OVCH1: variants seen among roughly 807,000 people sequenced by gnomAD.
OVCH1 encodes ovochymase 1.
OVCH1 carries 139 observed loss-of-function variants against 138.4 expected under a neutral mutation model. The ratio of observed to expected loss-of-function variants is 1.00; its 90% confidence interval spans 0.87 to 1.16. The LOEUF (loss-of-function observed/expected upper bound fraction) is 1.16, where lower values mean the gene tolerates loss of function less well. OVCH1 is among the 50% of genes most tolerant of loss of function. OVCH1 has a pLI of 0.00. For synonymous variants in OVCH1, 453 were observed against 467.8 expected, an observed-to-expected ratio of 0.97 and a Z score of 0.41; for missense variants, 1,367 against 1,357.9, an observed-to-expected ratio of 1.01 and a Z score of -0.11.
At chr12:29,464,320 C>A (rs766267567) in intron 18 of OVCH1, 187 bp downstream of exon 18, 1 of 692,548 alleles carries the variant, frequency 1.4e-6, no homozygotes, top group Admixed American at 2.4e-5. Context: ...TCTAAGTTAC[C>A]CTGAAGGAAA....
intron 3 of OVCH1, among the ~76,000 whole-genome samples, chr12:29,415,048 G>GTGTC (rs1170868848): frequency 6.6e-6 from 1 of 152,008 alleles, no homozygotes; most frequent in Non-Finnish European, 1.5e-5. Context: ...CAGGTGGGAA[G>GTGTC]TGTCTTGTCT....
At chr12:29,426,759 A>C (rs1941185673), downstream of OVCH1, among the ~76,000 whole-genome samples, 1 of 152,154 alleles carries the variant, frequency 6.6e-6, no homozygotes, top group South Asian at 2.1e-4. Context: ...CATTATTGTT[A>C]TCCTCCTCTA....
intron 25 of OVCH1, among the ~76,000 whole-genome samples, chr12:29,442,647 A>T (rs956550163): frequency 6.6e-6 from 1 of 150,984 alleles, no homozygotes; most frequent in African/African-American, 2.4e-5. Context: ...AAAAATAAAA[A>T]AAAGAAATTT....
chr12:29,485,119 C>T (rs16934324), intron 8 of OVCH1, among the ~76,000 whole-genome samples: 3 of 151,878 alleles, frequency 2.0e-5, no homozygotes, highest in Non-Finnish European at 4.4e-5. Flanking sequence ...AAGATGCTAA[C>T]GTACAATTTG....
intron 12 of OVCH1, 79 bp from the exon 13 acceptor site, chr12:29,476,378 T>G: frequency 8.5e-7 from 1 of 1,176,894 alleles, no homozygotes; most frequent in South Asian, 1.2e-5. Context: ...TCTGTGTATT[T>G]AAAGGCTCTT....
the OVCH1 span, among the ~76,000 whole-genome samples, chr12:29,407,392 A>C: frequency 0.28 from 36,649 of 132,072 alleles, 6,080 homozygotes; most frequent in Middle Eastern, 0.49. Context: ...ATGCCTATGT[A>C]CTGAATGGTA....
chr12:29,486,322 T>G, exon 8 of OVCH1: 1 of 1,613,738 alleles, frequency 6.2e-7, no homozygotes. Flanking sequence ...GAGCCCACTT[T>G]TGAGAGGGGT....
intron 6 of OVCH1, among the ~76,000 whole-genome samples, chr12:29,488,743 G>A (rs1565612314): frequency 6.6e-6 from 1 of 151,514 alleles, no homozygotes; most frequent in Non-Finnish European, 1.5e-5. Flanking sequence ...GCTGCTTTAA[G>A]ACTATGTTTC....
the OVCH1 span, among the ~76,000 whole-genome samples, chr12:29,404,036 A>G: frequency 6.6e-6 from 1 of 152,228 alleles, no homozygotes; most frequent in Non-Finnish European, 1.5e-5. Context: ...CACCAACACC[A>G]ACCTCTGCAA....
chr12:29,461,377 C>T (rs928568213), intron 19 of OVCH1, among the ~76,000 whole-genome samples: 4 of 152,112 alleles, frequency 2.6e-5, no homozygotes, highest in Non-Finnish European at 4.4e-5. Flanking sequence ...ATGATCTTGC[C>T]AATATCAAGC....
chr12:29,441,138 T>C (rs10743666), intron 25 of OVCH1, among the ~76,000 whole-genome samples: 73,455 of 151,900 alleles, frequency 0.48, 18,629 homozygotes, highest in African/African-American at 0.63. Context: ...AAAATCCTTG[T>C]GGGTTGACAA....
chr12:29,472,047 G>T, intron 15 of OVCH1, 65 bp from the exon 16 acceptor site: 1 of 1,440,346 alleles, frequency 6.9e-7, no homozygotes, highest in Non-Finnish European at 9.3e-7. Context: ...TCCTCCAATA[G>T]CTTGCCATAG....
downstream of OVCH1, among the ~76,000 whole-genome samples, chr12:29,409,966 G>T (rs1413736952): frequency 1.3e-5 from 2 of 152,086 alleles, no homozygotes; most frequent in African/African-American, 4.8e-5. Flanking sequence ...GGTCACTCAG[G>T]ACTTGCTTTA....
At chr12:29,452,339 T>A (rs1941819887) in intron 21 of OVCH1, among the ~76,000 whole-genome samples, 1 of 152,104 alleles carries the variant, frequency 6.6e-6, no homozygotes, top group Non-Finnish European at 1.5e-5. Context: ...ACAGTAGAGG[T>A]GAAAAGTAGA....
At chr12:29,489,979 G>C (rs923127117) in intron 5 of OVCH1, among the ~76,000 whole-genome samples, 1 of 152,142 alleles carries the variant, frequency 6.6e-6, no homozygotes, top group Non-Finnish European at 1.5e-5. Context: ...AGGTAACATA[G>C]GCAATTGTAC....
rs749374500 is a variant in OVCH1, at chr12:29,491,059, A to AGCTG, written c.550+34_550+37dup. 12 of 1,517,192 alleles carry AGCTG rather than the reference A, an allele frequency of 7.9e-6. No homozygotes were observed. In the East Asian group the frequency reaches 2.7e-4, roughly 34 times the overall value. 94.0% of individuals were successfully genotyped at this position (1,517,192 alleles called of 1,614,324 possible). A position where few individuals can be genotyped will look rare whatever the true frequency, so the allele number is the denominator to read the frequency against. The stretch of plus-strand genomic sequence containing the variant: ...TTCTGCTTCCCCTGGACATACAGAG[A>AGCTG]GCTGGAAGAAGTATTAAGTCATTTT... On this transcript the variant is annotated intron_variant, in intron 5 of 27. Coordinates refer to ENST00000318184, the Ensembl canonical transcript of OVCH1.
chr12:29,449,545 T>C (rs1941719615), intron 22 of OVCH1, among the ~76,000 whole-genome samples: 1 of 152,172 alleles, frequency 6.6e-6, no homozygotes, highest in Admixed American at 6.6e-5. Context: ...CCTTGAGCAG[T>C]GGTTTGTAGT....
At chr12:29,436,203 A>G (rs979325445) in intron 26 of OVCH1, among the ~76,000 whole-genome samples, 1 of 152,072 alleles carries the variant, frequency 6.6e-6, no homozygotes, top group African/African-American at 2.4e-5. Flanking sequence ...CACTATAAAA[A>G]TGCTGAATGA....
chr12:29,444,167 T>A, exon 24 of OVCH1: 1 of 1,608,112 alleles, frequency 6.2e-7, no homozygotes, highest in Non-Finnish European at 8.5e-7. Context: ...CTGTGAGAAT[T>A]TCTTGGGATC....
Sources: allele counts gnomAD v4.1 joint callset (sites outside exome capture counted in the v4.1 genomes callset), GRCh38; gene constraint gnomAD v4.1.1; transcripts MANE v1.5; gene names NCBI Gene and HGNC (gene_info 2026-07-23, HGNC 2026-07-21).